The following CSGALNACT1 variants were observed in gnomAD, a reference collection of about 807,000 sequenced individuals.
CSGALNACT1 encodes chondroitin sulfate N-acetylgalactosaminyltransferase 1, also known as beta4GalNAcT-1.
Under a neutral mutation model 51.0 loss-of-function variants are expected in CSGALNACT1, and 52 were observed. That is an observed-to-expected ratio of 1.02 (90% CI 0.82 to 1.29). The LOEUF (loss-of-function observed/expected upper bound fraction) is 1.29. Among genes scored for constraint, CSGALNACT1 ranks in the 50% most tolerant of loss-of-function variants. CSGALNACT1 has a pLI of 0.00. For missense variants in CSGALNACT1, 935 were observed against 679.2 expected (o/e 1.38, Z -4.19); for synonymous variants, 341 against 254.4 (o/e 1.34, Z -3.24).
chr8:19,726,097 C>T (rs2063385164), intron 1 of CSGALNACT1, among the ~76,000 whole-genome samples: 1 of 152,114 alleles, frequency 6.6e-6, no homozygotes, highest in Admixed American at 6.5e-5. Flanking sequence ...AGTCATGCGG[C>T]CTTGAATTTC....
intron 6 of CSGALNACT1, among the ~76,000 whole-genome samples, chr8:19,429,574 C>A (rs1337427913): frequency 6.6e-6 from 1 of 152,212 alleles, no homozygotes; most frequent in Non-Finnish European, 1.5e-5. Flanking sequence ...CTCTTTATGT[C>A]TGAATAATAT....
At chr8:19,410,595 A>T (rs1346197283) in intron 8 of CSGALNACT1, among the ~76,000 whole-genome samples, 1 of 152,212 alleles carries the variant, frequency 6.6e-6, no homozygotes, top group South Asian at 2.1e-4. Context: ...AAGGAAGACA[A>T]GAGGGAGGCA....
chr8:19,423,634 T>C (rs1245768832), intron 6 of CSGALNACT1, among the ~76,000 whole-genome samples: 1 of 152,178 alleles, frequency 6.6e-6, no homozygotes, highest in African/African-American at 2.4e-5. Context: ...TGACATGACC[T>C]TAATTTGGAA....
chr8:19,667,491 G>A (rs2059473978), intron 1 of CSGALNACT1, among the ~76,000 whole-genome samples: 2 of 151,982 alleles, frequency 1.3e-5, no homozygotes, highest in East Asian at 1.9e-4. Flanking sequence ...AAAGAGTGAA[G>A]TGATTTAATT....
In CSGALNACT1 at chr8:19,478,393, G is replaced by A. The variant is rs558715446; in HGVS notation, c.635-19751C>T. On this transcript the variant is annotated intron_variant, in intron 4 of 9. Transcript: ENST00000454498. ...CGCACCACTGCACTCCAGCCTGGGC[G>A]ACAGAGCGAGACTCCGTCTCAAAAA... Among the ~76,000 whole-genome samples the A allele has an allele frequency of 3.5e-4, 48 of 136,688 alleles. No homozygotes were observed. The South Asian group carries it at 4.1e-3, about 12-fold the overall frequency. The allele number at this position is 136,688 out of a possible 152,430, so 89.7% of individuals were successfully genotyped here. A position where few individuals can be genotyped will look rare whatever the true frequency, so the allele number is the denominator to read the frequency against.
intron 1 of CSGALNACT1, among the ~76,000 whole-genome samples, chr8:19,728,703 C>T (rs1443842578): frequency 6.6e-6 from 1 of 152,114 alleles, no homozygotes; most frequent in East Asian, 1.9e-4. Flanking sequence ...GCTGCCTCTG[C>T]ATAAAAAGGT....
At chr8:19,553,943 C>T (rs1310539097) in intron 3 of CSGALNACT1, among the ~76,000 whole-genome samples, 2 of 146,622 alleles carry the variant, frequency 1.4e-5, no homozygotes, top group African/African-American at 5.1e-5. Flanking sequence ...TCAATAAAAG[C>T]TTGGAAGATA....
chr8:19,498,671 G>A (rs1226065499), intron 4 of CSGALNACT1, among the ~76,000 whole-genome samples: 1 of 152,056 alleles, frequency 6.6e-6, no homozygotes, highest in Non-Finnish European at 1.5e-5. Context: ...AACGCAGCCA[G>A]AACCCCTCTT....
At position 19,534,535 on chromosome 8, in the gene CSGALNACT1, G is replaced by A. The variant is rs376440950; in HGVS notation, c.-296-28405C>T. 1.8e-4 allele frequency among the ~76,000 whole-genome samples: 27 copies of A among 152,250 alleles called. No homozygotes were observed. The South Asian group carries it at 4.1e-3, about 23-fold the overall frequency. ...TCGGACACCCATCGGCTGCATTGCTGTAGATGGTGGTGCACAAGTGGGGAA... is the reference window on the plus strand; with the variant it reads ...TCGGACACCCATCGGCTGCATTGCTATAGATGGTGGTGCACAAGTGGGGAA... On this transcript the variant is annotated intron_variant, in intron 3 of 9. Transcript: ENST00000454498.
intron 1 of CSGALNACT1, among the ~76,000 whole-genome samples, chr8:19,743,819 C>T (rs1434031119): frequency 1.3e-5 from 2 of 152,144 alleles, no homozygotes; most frequent in African/African-American, 4.8e-5. Context: ...ATAAAAAATG[C>T]AAACTATAGA....
intron 3 of CSGALNACT1, among the ~76,000 whole-genome samples, chr8:19,511,016 T>C (rs1237585502): frequency 6.6e-6 from 1 of 152,234 alleles, no homozygotes; most frequent in African/African-American, 2.4e-5. Context: ...TGCCAAGATA[T>C]GCCTACTAAT....
At chr8:19,595,064 A>G (rs996261562) in intron 2 of CSGALNACT1, among the ~76,000 whole-genome samples, 13 of 152,198 alleles carry the variant, frequency 8.5e-5, no homozygotes, top group African/African-American at 3.1e-4. Flanking sequence ...CATTCTTCCA[A>G]TAGATTCCTT....
intron 1 of CSGALNACT1, among the ~76,000 whole-genome samples, chr8:19,716,610 T>TATAA (rs1564464240): frequency 1.7e-4 from 1 of 5,810 alleles, no homozygotes; most frequent in Non-Finnish European, 3.2e-4. Context: ...AAACCCTCTC[T>TATAA]ACAAAAAAAA....
At chr8:19,421,068 A>G (rs1467919236) in intron 6 of CSGALNACT1, among the ~76,000 whole-genome samples, 1 of 152,222 alleles carries the variant, frequency 6.6e-6, no homozygotes, top group African/African-American at 2.4e-5. Context: ...AAAATGACCA[A>G]CTTGCAGTTA....
intron 1 of CSGALNACT1, among the ~76,000 whole-genome samples, chr8:19,630,208 G>C (rs1346589578): frequency 4.0e-5 from 5 of 126,388 alleles, no homozygotes; most frequent in African/African-American, 7.7e-5. Context: ...GTGTGTGTGT[G>C]TGTGTGTGTG....
intron 1 of CSGALNACT1, among the ~76,000 whole-genome samples, chr8:19,695,331 T>G (rs141350713): frequency 6.6e-6 from 1 of 152,168 alleles, no homozygotes; most frequent in African/African-American, 2.4e-5. Context: ...TGAAAGCCTA[T>G]GAGGGGGAAA....
At chr8:19,731,732 T>G (rs2063705135) in intron 1 of CSGALNACT1, among the ~76,000 whole-genome samples, 1 of 152,224 alleles carries the variant, frequency 6.6e-6, no homozygotes, top group African/African-American at 2.4e-5. Flanking sequence ...AGTTGCACTA[T>G]GTATATTTTA....
Position 19,667,065 on chromosome 8 carries a change from A to G in CSGALNACT1, c.-544+15408T>C, listed in dbSNP as rs1369718600. Reference sequence around the variant, plus strand: ...GAAGAAAGAAAGAAAGAAAGAAAGAAAGAAAGAAAGAAAGAAAGAAAGAAA... The same window carrying G: ...GAAGAAAGAAAGAAAGAAAGAAAGAGAGAAAGAAAGAAAGAAAGAAAGAAA... On this transcript the variant is annotated intron_variant, in intron 1 of 9. Coordinates refer to the CSGALNACT1 transcript ENST00000332246. 1.0e-3 allele frequency among the ~76,000 whole-genome samples: 132 copies of G among 126,068 alleles called. 23 individuals are homozygous for G. Among genetic ancestry groups the G allele is most frequent in the African/African-American group, 3.6e-3 (127 of 35,094 alleles). 82.7% of individuals were successfully genotyped at this position (126,068 alleles called of 152,430 possible).
At chr8:19,733,851 C>T (rs1203923057) in intron 1 of CSGALNACT1, among the ~76,000 whole-genome samples, 1 of 152,116 alleles carries the variant, frequency 6.6e-6, no homozygotes, top group African/African-American at 2.4e-5. Flanking sequence ...AAGGGAACCT[C>T]TGCTGCCATC....
Sources: gnomAD v4.1 joint callset for allele counts (sites outside exome capture counted in the v4.1 genomes callset) on GRCh38, gnomAD v4.1.1 for gene constraint, MANE v1.5 for transcripts, NCBI Gene and HGNC (gene_info 2026-07-23, HGNC 2026-07-21) for gene names.